The following TBC1D32 variants were observed in gnomAD, a reference collection of about 807,000 sequenced individuals.
TBC1D32 encodes TBC1 domain family member 32, also known as protein broad-minded.
In TBC1D32, 151 loss-of-function variants were observed where a neutral mutation model predicts 170.3. The ratio of observed to expected loss-of-function variants is 0.89; its 90% CI spans 0.78 to 1.01. The LOEUF is 1.01. Ranked by LOEUF, TBC1D32 falls within the 50% of genes least tolerant of loss-of-function variation. The pLI, the probability that TBC1D32 is intolerant of heterozygous loss-of-function variation, is 0.00. For synonymous variants in TBC1D32, 498 were observed against 488.0 expected (o/e 1.02, Z -0.27); for missense variants, 1,464 against 1,457.1 (o/e 1.00, Z -0.08).
chr6:121,153,497 G>C (rs1784463476), intron 24 of TBC1D32, among the ~76,000 whole-genome samples: 1 of 152,146 alleles, frequency 6.6e-6, no homozygotes, highest in African/African-American at 2.4e-5. Flanking sequence ...GAGGCAGTCT[G>C]TCCCTTACCA....
chr6:121,198,016 T>C (rs2128295244), intron 22 of TBC1D32, among the ~76,000 whole-genome samples: 1 of 151,914 alleles, frequency 6.6e-6, no homozygotes, highest in African/African-American at 2.4e-5. Context: ...CGCTGGATGC[T>C]TCCTGCCCTT....
At chr6:121,171,734 A>G (rs9372640) in intron 22 of TBC1D32, among the ~76,000 whole-genome samples, 111,073 of 152,062 alleles carry the variant, frequency 0.73, 43,546 homozygotes, top group Non-Finnish European at 0.87. Flanking sequence ...TGGTGGGCAC[A>G]TGAAAGATTA....
chr6:121,197,229 C>G (rs774451269), intron 22 of TBC1D32, among the ~76,000 whole-genome samples: 15 of 152,092 alleles, frequency 9.9e-5, no homozygotes, highest in East Asian at 1.9e-4. Context: ...CTTAGTATTA[C>G]CATGCCCTGT....
At chr6:121,226,848 C>G (rs1174102896) in intron 20 of TBC1D32, among the ~76,000 whole-genome samples, 1 of 152,002 alleles carries the variant, frequency 6.6e-6, no homozygotes, top group Non-Finnish European at 1.5e-5. Context: ...GCTATAGTAT[C>G]AATATTTATA....
At chr6:121,110,008 T>C (rs1432296380) in intron 29 of TBC1D32, among the ~76,000 whole-genome samples, 1 of 151,940 alleles carries the variant, frequency 6.6e-6, no homozygotes, top group East Asian at 1.9e-4. Flanking sequence ...TCCCAGCACT[T>C]TGGGAGGCCG....
At chr6:121,270,794 C>G (rs1163158264) in intron 15 of TBC1D32, among the ~76,000 whole-genome samples, 1 of 152,130 alleles carries the variant, frequency 6.6e-6, no homozygotes, top group African/African-American at 2.4e-5. Flanking sequence ...TAAAGCCTGG[C>G]AGAAACACAA....
Position 121,130,449 on chromosome 6 carries a change from T to A in TBC1D32, c.2899+1178A>T, listed in dbSNP as rs536372303. On this transcript the variant is annotated intron_variant, in intron 25 of 31. Coordinates refer to ENST00000398212, the MANE Select transcript of TBC1D32 (RefSeq NM_152730.6). ...GTGAGCCAAGATCGCACCATGGCAC[T>A]CCAGCCTGGACGACAGAGCAAGACT... Among the ~76,000 whole-genome samples, 3 of 152,208 alleles carry A rather than the reference T, an allele frequency of 2.0e-5. No individual in the cohort carries two copies. The South Asian group carries it at 6.2e-4, about 32-fold the overall frequency.
At chr6:121,124,580 T>G (rs151180643) in intron 26 of TBC1D32, among the ~76,000 whole-genome samples, 2 of 152,232 alleles carry the variant, frequency 1.3e-5, no homozygotes, top group African/African-American at 4.8e-5. Context: ...TTTTCCAGGT[T>G]TGGAAATATT....
intron 14 of TBC1D32, among the ~76,000 whole-genome samples, chr6:121,280,388 G>C (rs1365045597): frequency 1.3e-5 from 2 of 151,804 alleles, no homozygotes; most frequent in Non-Finnish European, 2.9e-5. Flanking sequence ...TAATGATATA[G>C]TAGAGGTTCA....
At chr6:121,328,452 A>AT (rs1425652969) in intron 1 of TBC1D32, among the ~76,000 whole-genome samples, 1,691 of 143,968 alleles carry the variant, frequency 0.012, 30 homozygotes, top group African/African-American at 0.04. Flanking sequence ...CACCTGGCTA[A>AT]TTTTTTTTTT....
intron 5 of TBC1D32, among the ~76,000 whole-genome samples, chr6:121,306,810 T>C (rs542642054): frequency 2.0e-5 from 3 of 152,324 alleles, no homozygotes; most frequent in African/African-American, 4.8e-5. Flanking sequence ...ACTGACTTCA[T>C]AATTTTACAA....
chr6:121,139,268 C>A (rs1216076764), intron 24 of TBC1D32, among the ~76,000 whole-genome samples: 2 of 152,196 alleles, frequency 1.3e-5, no homozygotes, highest in Non-Finnish European at 2.9e-5. Flanking sequence ...GCAATCCAGT[C>A]CAGTCATTCG....
chr6:121,147,467 CCTGCCAACAT>C (rs1160530998), intron 24 of TBC1D32, among the ~76,000 whole-genome samples: 1 of 152,052 alleles, frequency 6.6e-6, no homozygotes, highest in Non-Finnish European at 1.5e-5. Context: ...TCTCGGAAGC[CCTGCCAACAT>C]CTGTTATTTT....
chr6:121,263,788 C>A (rs1052136723), intron 15 of TBC1D32, among the ~76,000 whole-genome samples: 4 of 152,132 alleles, frequency 2.6e-5, no homozygotes, highest in Admixed American at 1.3e-4. Flanking sequence ...GAAACTCACC[C>A]AAAACCACAC....
intron 3 of TBC1D32, among the ~76,000 whole-genome samples, chr6:121,314,347 A>G (rs1808638976): frequency 6.6e-6 from 1 of 152,206 alleles, no homozygotes; most frequent in South Asian, 2.1e-4. Context: ...CCTGAACTTA[A>G]TCACATCAGC....
At chr6:121,211,792 C>T (rs1205780219) in intron 21 of TBC1D32, among the ~76,000 whole-genome samples, 5 of 152,146 alleles carry the variant, frequency 3.3e-5, no homozygotes, top group Admixed American at 6.5e-5. Context: ...TTGGGGAACA[C>T]CACTGTCCCA....
chr6:121,312,714 T>C lies in TBC1D32; in HGVS notation c.496-1867A>G, dbSNP rs140387195. Among the ~76,000 whole-genome samples the C allele has an allele frequency of 1.9e-3, 285 of 152,342 alleles. No individual in the cohort carries two copies. In the Middle Eastern group the frequency reaches 0.024, roughly 13 times the overall value. ...TATATGCTATCAAGATAATTATAGT[T>C]ATGCTTTGATGTACTTACATGCTAA... On this transcript the variant is annotated intron_variant, in intron 3 of 31. Transcript: ENST00000398212.
At chr6:121,266,749 A>C (rs1325264817) in intron 15 of TBC1D32, among the ~76,000 whole-genome samples, 1 of 152,134 alleles carries the variant, frequency 6.6e-6, no homozygotes, top group African/African-American at 2.4e-5. Context: ...GAATGAGCTC[A>C]TGTCCTTTGC....
At chr6:121,272,346 A>G (rs1408495474) in intron 15 of TBC1D32, among the ~76,000 whole-genome samples, 2 of 152,168 alleles carry the variant, frequency 1.3e-5, no homozygotes, top group African/African-American at 4.8e-5. Context: ...GAAACTTTTT[A>G]CAATCTATCC....
Sources: gnomAD v4.1 joint callset for allele counts (sites outside exome capture counted in the v4.1 genomes callset) on GRCh38, gnomAD v4.1.1 for gene constraint, MANE v1.5 for transcripts, NCBI Gene and HGNC (gene_info 2026-07-23, HGNC 2026-07-21) for gene names.